The following DEGS1 variants were observed in gnomAD, a reference collection of about 807,000 sequenced individuals.
The protein encoded by DEGS1 is delta 4-desaturase, sphingolipid 1.
In DEGS1, 17 loss-of-function variants were observed where a neutral mutation model predicts 24.1. The ratio of observed to expected loss-of-function variants is 0.70; its 90% CI spans 0.48 to 1.06. The LOEUF is 1.06. Ranked by LOEUF, DEGS1 falls within the 50% of genes least tolerant of loss-of-function variation. The pLI, the probability that DEGS1 is intolerant of heterozygous loss-of-function variation, is 0.00. For synonymous variants in DEGS1, 134 were observed against 140.0 expected (o/e 0.96, Z 0.30); for missense variants, 366 against 408.9 (o/e 0.90, Z 0.91).
At chr1:224,186,712 CAAAAAAAAA>C (rs34809195) in intron 1 of DEGS1, among the ~76,000 whole-genome samples, 3 of 79,876 alleles carry the variant, frequency 3.8e-5, no homozygotes, top group Non-Finnish European at 7.2e-5. Context: ...GCCTCCGTCT[CAAAAAAAAA>C]AAAAAAAAAA....
At chr1:224,184,180 T>C (rs768123445) in intron 1 of DEGS1, among the ~76,000 whole-genome samples, 4 of 152,218 alleles carry the variant, frequency 2.6e-5, no homozygotes, top group Non-Finnish European at 5.9e-5. Flanking sequence ...AAGGAAAATA[T>C]GTGGCGTGGC....
chr1:224,185,641 C>T (rs1658365132), intron 1 of DEGS1, among the ~76,000 whole-genome samples: 1 of 152,124 alleles, frequency 6.6e-6, no homozygotes, highest in Non-Finnish European at 1.5e-5. Context: ...CCTGGGATTA[C>T]AGACGCCCGC....
intron 1 of DEGS1, among the ~76,000 whole-genome samples, chr1:224,185,735 GC>G (rs1381583428): frequency 2.0e-5 from 3 of 151,928 alleles, no homozygotes; most frequent in Non-Finnish European, 2.9e-5. Context: ...CTCAGATGAT[GC>G]GCCTGCCATG....
intron 2 of DEGS1, 145 bp downstream of exon 2, chr1:224,190,464 T>A (rs749985356): frequency 3.3e-5 from 21 of 631,304 alleles, no homozygotes; most frequent in Non-Finnish European, 5.2e-5. Flanking sequence ...TTCAAACGAT[T>A]CTCATGCCTC....
chr1:224,190,753 G>A (rs1658517199), intron 2 of DEGS1, among the ~76,000 whole-genome samples: 1 of 151,784 alleles, frequency 6.6e-6, no homozygotes, highest in African/African-American at 2.4e-5. Context: ...TTAGAGACAG[G>A]GTCTTGCCCT....
chr1:224,192,397 G>A lies in DEGS1; in HGVS notation c.891G>A (p.Leu297=), dbSNP rs768294479. ...LPHYNSWIKV[L]YDFVMDDTIS... ...ACTACAATTCCTGGATAAAAGTACT[G>A]TATGATTTTGTGATGGATGATACAA... The change falls in exon 3 of 3, where the codon CTG becomes CTA. Residue 297 remains leucine, a synonymous_variant. Transcript: ENST00000323699. 6.2e-7 allele frequency: 1 copy of A among 1,613,570 alleles called. No individual in the cohort carries two copies. The highest frequency in any genetic ancestry group is 8.5e-7 in the Non-Finnish European group (1 of 1,179,724).
intron 1 of DEGS1, among the ~76,000 whole-genome samples, chr1:224,189,053 T>G (rs1411827332): frequency 1.3e-5 from 2 of 152,214 alleles, no homozygotes; most frequent in African/African-American, 2.4e-5. Flanking sequence ...CACCATTTGT[T>G]GAAAGGACTG....
chr1:224,192,365 C>T lies in DEGS1; in HGVS notation c.859C>T (p.Leu287Phe), dbSNP rs780880799. The change falls in exon 3 of 3, where the codon CTC (leucine) becomes TTC (phenylalanine). Residue 287 changes from leucine (L) to phenylalanine (F), a missense_variant. By Grantham distance (22) the Leu-to-Phe change is conservative. Coordinates refer to ENST00000323699, the MANE Select transcript of DEGS1 (RefSeq NM_003676.4). ...AATAGCAGCTGAATACTATGACAAC[C>T]TCCCTCACTACAATTCCTGGATAAA... ...RKIAAEYYDN[L>F]PHYNSWIKVL... The T allele has an allele frequency of 1.9e-6, 3 of 1,613,238 alleles. No individual in the cohort carries two copies. Among genetic ancestry groups the T allele is most frequent in the African/African-American group, 2.7e-5 (2 of 74,838 alleles).
Position 224,192,451 on chromosome 1 carries a change from C to T in DEGS1, c.945C>T (p.His315=), listed in dbSNP as rs1658566934. ...GTCCCTACTCAAGAATGAAGAGGCA[C>T]CAAAAAGGAGAGATGGTGCTGGAGT... The part of the protein sequence containing the change: ...TISPYSRMKR[H]QKGEMVLE Residue 315 remains histidine, a synonymous_variant, in exon 3 of 3, where the codon CAC becomes CAT. Transcript: ENST00000323699. 1 of 1,610,264 alleles carries T rather than the reference C, an allele frequency of 6.2e-7. No individual in the cohort carries two copies. Among genetic ancestry groups the T allele is most frequent in the Non-Finnish European group, 8.5e-7 (1 of 1,178,838 alleles).
intron 2 of DEGS1, among the ~76,000 whole-genome samples, chr1:224,191,702 C>A (rs1287636902): frequency 7.2e-6 from 1 of 139,388 alleles, no homozygotes; most frequent in African/African-American, 2.7e-5. Flanking sequence ...TCAAGCAATT[C>A]TCCTATCTCA....
Position 224,192,698 on chromosome 1 carries a change from C to T in DEGS1, c.*220C>T, listed in dbSNP as rs145159432. ...AGGAAACTTGTGACTTGTGTATTAT[C>T]GTCATTGAGGATGTTTCACTCATGT... On this transcript the variant is annotated 3_prime_UTR_variant, in exon 3 of 3. Coordinates refer to ENST00000323699, the MANE Select transcript of DEGS1 (RefSeq NM_003676.4). 378 of 480,670 alleles carry T rather than the reference C, an allele frequency of 7.9e-4. 1 individual carries two copies. Among genetic ancestry groups the T allele is most frequent in the African/African-American group, 6.1e-3 (299 of 48,874 alleles). 29.8% of individuals were successfully genotyped at this position (480,670 alleles called of 1,614,324 possible).
At chr1:224,186,840 A>G (rs1052296406) in intron 1 of DEGS1, among the ~76,000 whole-genome samples, 3 of 152,210 alleles carry the variant, frequency 2.0e-5, no homozygotes, top group African/African-American at 7.2e-5. Context: ...AATAACCTGT[A>G]GAAAGAATCT....
chr1:224,184,623 T>C (rs534953643), intron 1 of DEGS1, among the ~76,000 whole-genome samples: 3 of 152,208 alleles, frequency 2.0e-5, no homozygotes, highest in East Asian at 1.9e-4. Context: ...GCGATTCTTC[T>C]GTCTCAGCCT....
intron 2 of DEGS1, 121 bp downstream of exon 2, chr1:224,190,440 C>A: frequency 1.2e-6 from 1 of 819,824 alleles, no homozygotes; most frequent in Non-Finnish European, 1.8e-6. Flanking sequence ...TCACTGTAAC[C>A]TCCACCTCCC....
intron 2 of DEGS1, chr1:224,190,998 A>AG (rs1658522591): frequency 2.6e-5 from 4 of 152,320 alleles, no homozygotes; most frequent in Admixed American, 1.3e-4. Context: ...CTAGGACTAC[A>AG]GCCACATGCT....
At chr1:224,191,718 C>T (rs909202663) in intron 2 of DEGS1, among the ~76,000 whole-genome samples, 1 of 149,572 alleles carries the variant, frequency 6.7e-6, no homozygotes, top group Non-Finnish European at 1.5e-5. Context: ...TCTCAGCCTC[C>T]TGAGTTGCTG....
chr1:224,189,919 T>C lies in DEGS1; in HGVS notation c.425T>C (p.Val142Ala), dbSNP rs745942392. ...HRYLGADGVD[V>A]DIPTDFEGWF... Reference sequence around the variant, plus strand: ...TACCTTGGAGCTGATGGCGTCGATGTAGATATTCCTACCGATTTTGAGGGC... The same window carrying C: ...TACCTTGGAGCTGATGGCGTCGATGCAGATATTCCTACCGATTTTGAGGGC... Residue 142 changes from valine to alanine, a missense_variant, in exon 2 of 3, where the codon GTA (valine) becomes GCA (alanine). Transcript: ENST00000323699. 1 of 1,614,222 alleles carries C rather than the reference T, an allele frequency of 6.2e-7. No individual in the cohort carries two copies. The highest frequency in any genetic ancestry group is 8.5e-7 in the Non-Finnish European group (1 of 1,180,040).
Position 224,192,442 on chromosome 1 carries a change from G to GA in DEGS1, c.938dup (p.Arg314GlufsTer26). On this transcript the variant is annotated frameshift_variant, in exon 3 of 3. Coordinates refer to ENST00000323699, the MANE Select transcript of DEGS1 (RefSeq NM_003676.4). LOFTEE classifies it high-confidence loss of function. ...ATACAATAAGTCCCTACTCAAGAAT[G>GA]AAGAGGCACCAAAAAGGAGAGATGG... 6.2e-7 allele frequency: 1 copy of GA among 1,612,278 alleles called. No individual in the cohort carries two copies.
rs777731618 is a variant in DEGS1 at position 224,192,476 on chromosome 1, T to C, written c.970T>C (p.Ter324GlnextTer23). ...RHQKGEMVLE[*>Q] The stretch of plus-strand genomic sequence containing the variant: ...CCAAAAAGGAGAGATGGTGCTGGAG[T>C]AAATATCATTAGTGCCAAAGGGATT... The change falls in exon 3 of 3, where the codon TAA (stop) becomes CAA (glutamine). Residue 324 changes from the stop codon to glutamine, a stop_lost. Transcript: ENST00000323699. The C allele has an allele frequency of 2.5e-6, 4 of 1,603,762 alleles. No individual in the cohort carries two copies. Among genetic ancestry groups the C allele is most frequent in the Non-Finnish European group, 3.4e-6 (4 of 1,177,174 alleles).
Sources: allele counts gnomAD v4.1 joint callset (sites outside exome capture counted in the v4.1 genomes callset), GRCh38; gene constraint gnomAD v4.1.1; transcripts MANE v1.5; gene names NCBI Gene and HGNC (gene_info 2026-07-23, HGNC 2026-07-21).